Variants in ADAMTS14 observed in about 807,000 individuals in gnomAD.
ADAMTS14 encodes the protein ADAM metallopeptidase with thrombospondin type 1 motif 14.
In ADAMTS14, 100 loss-of-function variants were observed where a neutral mutation model predicts 128.6. The ratio of observed to expected loss-of-function variants is 0.78; its 90% confidence interval spans 0.66 to 0.92. ADAMTS14 has a LOEUF of 0.92. Ranked by LOEUF, ADAMTS14 falls within the 40% of genes least tolerant of loss-of-function variation. The pLI is 0.00. For synonymous variants in ADAMTS14, 665 were observed against 653.8 expected, an observed-to-expected ratio of 1.02 and a Z score of -0.26; for missense variants, 1,562 against 1,658.6, an observed-to-expected ratio of 0.94 and a Z score of 1.01.
At chr10:70,677,687 G>A (rs1029772378) in intron 2 of ADAMTS14, among the ~76,000 whole-genome samples, 12 of 152,136 alleles carry the variant, frequency 7.9e-5, no homozygotes, top group East Asian at 7.7e-4. Context: ...GTATCTGGAC[G>A]CCTCCCCTCC....
At chr10:70,682,259 A>G (rs2132538569) in intron 2 of ADAMTS14, among the ~76,000 whole-genome samples, 2 of 152,314 alleles carry the variant, frequency 1.3e-5, no homozygotes, top group South Asian at 4.1e-4. Context: ...ATTATGGCAA[A>G]AGGGAGAGGA....
At chr10:70,725,938 C>G (rs1242689727) in intron 4 of ADAMTS14, among the ~76,000 whole-genome samples, 1 of 152,076 alleles carries the variant, frequency 6.6e-6, no homozygotes, top group Non-Finnish European at 1.5e-5. Context: ...TGCCCAGACG[C>G]TGTTTCCCTT....
In ADAMTS14 at chr10:70,706,874, C is replaced by T. The variant is rs116193810; in HGVS notation, c.680-1714C>T. On this transcript the variant is annotated intron_variant, in intron 3 of 21. Coordinates refer to ENST00000373207, the MANE Select transcript of ADAMTS14 (RefSeq NM_080722.4). The stretch of plus-strand genomic sequence containing the variant: ...TGTGGGTAGCAGCGTAGAGGCGGCT[C>T]GGGTCTCTGCAGAGGTTCCCATGGA... Among the ~76,000 whole-genome samples, 671 of 152,330 alleles carry T rather than the reference C, an allele frequency of 4.4e-3. 7 individuals carry two copies. Among genetic ancestry groups the T allele is most frequent in the African/African-American group, 0.015 (632 of 41,570 alleles).
At chr10:70,677,025 C>T (rs976194580) in intron 2 of ADAMTS14, among the ~76,000 whole-genome samples, 2 of 152,132 alleles carry the variant, frequency 1.3e-5, no homozygotes, top group African/African-American at 2.4e-5. Flanking sequence ...GGATGACCGT[C>T]GCTAATAATA....
chr10:70,721,056 G>T (rs1445569121), intron 4 of ADAMTS14, among the ~76,000 whole-genome samples: 9 of 105,262 alleles, frequency 8.6e-5, no homozygotes, highest in African/African-American at 3.4e-4. Context: ...ATGGACTCTT[G>T]CTCTGTCACC....
intron 10 of ADAMTS14, among the ~76,000 whole-genome samples, chr10:70,738,231 T>C (rs918038277): frequency 2.6e-5 from 4 of 152,186 alleles, no homozygotes; most frequent in Non-Finnish European, 5.9e-5. Context: ...CCCTCCCTTA[T>C]TGCCTGGCCC....
chr10:70,700,457 A>G (rs1170319737), intron 2 of ADAMTS14, among the ~76,000 whole-genome samples: 2 of 151,902 alleles, frequency 1.3e-5, no homozygotes, highest in East Asian at 3.9e-4. Flanking sequence ...GTGAAGGGAG[A>G]ATCTCCTTGT....
intron 2 of ADAMTS14, among the ~76,000 whole-genome samples, chr10:70,693,171 C>A (rs12569953): frequency 0.69 from 104,098 of 151,936 alleles, 36,174 homozygotes; most frequent in East Asian, 0.88. Flanking sequence ...CCAAGGAGAT[C>A]GTGCTAAACC....
At chr10:70,700,511 T>A (rs572989709) in intron 2 of ADAMTS14, among the ~76,000 whole-genome samples, 1 of 152,184 alleles carries the variant, frequency 6.6e-6, no homozygotes, top group East Asian at 1.9e-4. Context: ...ACAGGGGACA[T>A]ATAGCCTGTC....
At chr10:70,721,865 T>C (rs1287698190) in intron 4 of ADAMTS14, among the ~76,000 whole-genome samples, 1 of 152,192 alleles carries the variant, frequency 6.6e-6, no homozygotes, top group East Asian at 1.9e-4. Flanking sequence ...AGAGCAGGGA[T>C]GGTGCCACCT....
intron 2 of ADAMTS14, among the ~76,000 whole-genome samples, chr10:70,684,316 G>A (rs1421280838): frequency 6.6e-6 from 1 of 152,202 alleles, no homozygotes; most frequent in East Asian, 1.9e-4. Flanking sequence ...TTTGAAATGA[G>A]ATTTGGTGGG....
At chr10:70,746,580 G>A (rs1372416192) in intron 15 of ADAMTS14, among the ~76,000 whole-genome samples, 1 of 152,222 alleles carries the variant, frequency 6.6e-6, no homozygotes, top group East Asian at 1.9e-4. Flanking sequence ...GGCCAAGGTG[G>A]GTGGATCGCT....
chr10:70,758,409 A>G (rs1262696359), intron 21 of ADAMTS14, 124 bp downstream of exon 21: 9 of 777,412 alleles, frequency 1.2e-5, no homozygotes, highest in Non-Finnish European at 1.6e-5. Context: ...CACCTCCCTG[A>G]GCCTCAGATA....
rs752055834 is a variant in ADAMTS14 at position 70,754,005 on chromosome 10, C to T, written c.2935C>T (p.Gln979Ter). The T allele has an allele frequency of 6.4e-7, 1 of 1,557,572 alleles. No homozygotes were observed. Among genetic ancestry groups the T allele is most frequent in the South Asian group, 1.2e-5 (1 of 84,912 alleles). The change falls in exon 19 of 22, where the codon CAG becomes TAG. Residue 979 changes from glutamine to a stop codon, truncating the protein, a stop_gained and splice_region_variant. Transcript: ENST00000373207. LOFTEE classifies it high-confidence loss of function. ...PAQWRLGAWS[Q>*]CSATCGEGIQ... ...CCAGTGGAGGCTGGGAGCCTGGTCC[C>T]AGGTGACTTGTCCTCAGGAGGTGGG...
chr10:70,707,105 G>T (rs1233537832), intron 3 of ADAMTS14, among the ~76,000 whole-genome samples: 3 of 152,314 alleles, frequency 2.0e-5, no homozygotes, highest in African/African-American at 4.8e-5. Flanking sequence ...CTCCAGTGGG[G>T]TGCCTTCTCT....
Position 70,740,987 on chromosome 10 carries a change from C to G in ADAMTS14, c.1749C>G (p.Ser583=). The part of the protein sequence containing the change: ...RSRSRSCNNP[S]PAYGGRLCLG... ...ATCCATTTCTCTGTGTCTGTCCCAG[C>G]CCAGCCTATGGAGGCCGCCTGTGCT... The change falls in exon 12 of 22, where the codon TCC becomes TCG. Residue 583 remains serine (S), a splice_region_variant and synonymous_variant. Coordinates refer to ENST00000373207, the MANE Select transcript of ADAMTS14 (RefSeq NM_080722.4). The G allele has an allele frequency of 1.2e-6, 2 of 1,613,912 alleles. No homozygotes were observed. Among genetic ancestry groups the G allele is most frequent in the Non-Finnish European group, 1.7e-6 (2 of 1,179,856 alleles).
At chr10:70,716,853 G>T (rs1841068177) in intron 4 of ADAMTS14, among the ~76,000 whole-genome samples, 1 of 152,162 alleles carries the variant, frequency 6.6e-6, no homozygotes, top group Non-Finnish European at 1.5e-5. Flanking sequence ...CTGCTGTCAG[G>T]GGCAGCTGGA....
chr10:70,686,922 G>T (rs1839982361), intron 2 of ADAMTS14, among the ~76,000 whole-genome samples: 3 of 94,532 alleles, frequency 3.2e-5, no homozygotes, highest in African/African-American at 1.1e-4. Context: ...GGCTGGCCGG[G>T]CGGGGGGCTG....
chr10:70,718,398 T>G (rs1262198119), intron 4 of ADAMTS14, among the ~76,000 whole-genome samples: 5 of 152,050 alleles, frequency 3.3e-5, no homozygotes, highest in Admixed American at 3.3e-4. Context: ...AAAAGTTATT[T>G]TATTTTTTTG....
Sources: allele counts gnomAD v4.1 joint callset (sites outside exome capture counted in the v4.1 genomes callset), GRCh38; gene constraint gnomAD v4.1.1; transcripts MANE v1.5; gene names NCBI Gene and HGNC (gene_info 2026-07-23, HGNC 2026-07-21).